ATP6V0D2: variants seen among roughly 807,000 people sequenced by gnomAD.
The protein encoded by ATP6V0D2 is V-type proton ATPase subunit d 2.
A neutral mutation model predicts 40.0 loss-of-function variants in ATP6V0D2; 40 were observed. The ratio of observed to expected loss-of-function variants is 1.00; its 90% CI spans 0.78 to 1.30. ATP6V0D2 has a LOEUF of 1.30. Among genes scored for constraint, ATP6V0D2 ranks in the 50% most tolerant of loss-of-function variants. ATP6V0D2 has a pLI of 0.00. For missense variants in ATP6V0D2, 470 were observed against 423.1 expected (o/e 1.11, Z -0.97); for synonymous variants, 179 against 156.3 (o/e 1.15, Z -1.08).
intron 2 of ATP6V0D2, among the ~76,000 whole-genome samples, chr8:86,119,234 T>TTG: frequency 6.8e-6 from 1 of 146,356 alleles, no homozygotes; most frequent in Non-Finnish European, 1.5e-5. Context: ...CATAGGATCT[T>TTG]TTTTTTTTTT....
chr8:86,146,866 C>T (rs1819076503), intron 5 of ATP6V0D2, among the ~76,000 whole-genome samples: 1 of 152,074 alleles, frequency 6.6e-6, no homozygotes, highest in Admixed American at 6.6e-5. Flanking sequence ...CTATAAAGCA[C>T]TTACTGTTTA....
intron 5 of ATP6V0D2, among the ~76,000 whole-genome samples, chr8:86,147,974 C>T (rs1685454539): frequency 6.6e-6 from 1 of 152,184 alleles, no homozygotes; most frequent in African/African-American, 2.4e-5. Context: ...TCTCCAATTG[C>T]TTTCCCAATG....
intron 5 of ATP6V0D2, 39 bp from the exon 6 acceptor site, chr8:86,150,073 A>C (rs909181876): frequency 1.3e-6 from 2 of 1,585,142 alleles, no homozygotes; most frequent in Admixed American, 1.7e-5. Context: ...AGCATTTAGC[A>C]GTTTATTAGA....
intron 2 of ATP6V0D2, among the ~76,000 whole-genome samples, chr8:86,114,147 A>G (rs1818564881): frequency 6.6e-6 from 1 of 152,206 alleles, no homozygotes; most frequent in Admixed American, 6.5e-5. Context: ...TTTAAAAAAA[A>G]AAAGTGTTGC....
At chr8:86,152,011 G>C (rs1012359492) in intron 7 of ATP6V0D2, among the ~76,000 whole-genome samples, 6 of 151,966 alleles carry the variant, frequency 3.9e-5, no homozygotes, top group African/African-American at 1.2e-4. Context: ...GTGCCATGGT[G>C]GGTTGCTGCA....
intron 2 of ATP6V0D2, among the ~76,000 whole-genome samples, chr8:86,120,929 C>A (rs1214179968): frequency 6.6e-6 from 1 of 152,050 alleles, no homozygotes; most frequent in African/African-American, 2.4e-5. Context: ...ATATTCTTGA[C>A]CCCTACTTCA....
At chr8:86,147,585 G>A (rs575486003) in intron 5 of ATP6V0D2, among the ~76,000 whole-genome samples, 13 of 152,202 alleles carry the variant, frequency 8.5e-5, no homozygotes, top group South Asian at 2.1e-4. Flanking sequence ...ATTCTAAAAC[G>A]ATGGGTGTTT....
intron 1 of ATP6V0D2, among the ~76,000 whole-genome samples, chr8:86,110,884 C>T (rs1387729883): frequency 6.6e-6 from 1 of 152,124 alleles, no homozygotes; most frequent in East Asian, 1.9e-4. Context: ...CATAAGACCT[C>T]CGCCAGGCAG....
Position 86,119,232 on chromosome 8 carries a change from C to CTTT in ATP6V0D2, c.302+5368_302+5370dup, listed in dbSNP as rs35945978. Among the ~76,000 whole-genome samples, 1,116 of 125,880 alleles carry CTTT rather than the reference C, an allele frequency of 8.9e-3. 30 individuals are homozygous for CTTT. The highest frequency in any genetic ancestry group is 0.012 in the East Asian group (52 of 4,296). 82.6% of individuals were successfully genotyped at this position (125,880 alleles called of 152,430 possible). A position where few individuals can be genotyped will look rare whatever the true frequency, so the allele number is the denominator to read the frequency against. ...ATTTCTTGTTTCCTAATCATAGGAT[C>CTTT]TTTTTTTTTTTTTTTTTTGAGATGG... On this transcript the variant is annotated intron_variant, in intron 2 of 7. Coordinates refer to ENST00000285393, the MANE Select transcript of ATP6V0D2 (RefSeq NM_152565.1).
At chr8:86,104,346 A>G (rs771918638) in intron 1 of ATP6V0D2, among the ~76,000 whole-genome samples, 1 of 152,148 alleles carries the variant, frequency 6.6e-6, no homozygotes, top group East Asian at 1.9e-4. Flanking sequence ...AGCCAGGAAT[A>G]AGTTAAATAA....
At chr8:86,115,325 C>T (rs1818578617) in intron 2 of ATP6V0D2, among the ~76,000 whole-genome samples, 2 of 145,268 alleles carry the variant, frequency 1.4e-5, no homozygotes. Flanking sequence ...TCCCTCTATC[C>T]TTCTATTCTT....
At chr8:86,133,651 T>G (rs1356431984) in intron 2 of ATP6V0D2, among the ~76,000 whole-genome samples, 1 of 151,920 alleles carries the variant, frequency 6.6e-6, no homozygotes, top group African/African-American at 2.4e-5. Flanking sequence ...TAATAATGGC[T>G]CTACTCTAAC....
chr8:86,140,544 C>T (rs1011281735), intron 3 of ATP6V0D2, among the ~76,000 whole-genome samples: 2 of 151,976 alleles, frequency 1.3e-5, no homozygotes, highest in African/African-American at 2.4e-5. Flanking sequence ...ATAAAACACA[C>T]TTTTAAGTAC....
At chr8:86,152,258 CT>C (rs908965539) in intron 7 of ATP6V0D2, among the ~76,000 whole-genome samples, 3 of 152,088 alleles carry the variant, frequency 2.0e-5, no homozygotes, top group African/African-American at 7.2e-5. Context: ...TGAACTCATC[CT>C]TTTTTATGGC....
intron 1 of ATP6V0D2, among the ~76,000 whole-genome samples, chr8:86,108,281 C>T (rs963893533): frequency 1.3e-5 from 2 of 152,138 alleles, no homozygotes; most frequent in African/African-American, 4.8e-5. Context: ...ATGGGGACCA[C>T]AGGCATGTGC....
At chr8:86,128,018 G>A (rs779682378) in intron 2 of ATP6V0D2, among the ~76,000 whole-genome samples, 3 of 152,008 alleles carry the variant, frequency 2.0e-5, no homozygotes, top group Admixed American at 6.6e-5. Context: ...GCAATTAGAG[G>A]TTGTGGTGAG....
intron 3 of ATP6V0D2, among the ~76,000 whole-genome samples, chr8:86,140,574 A>G (rs1818958340): frequency 6.6e-6 from 1 of 152,284 alleles, no homozygotes; most frequent in South Asian, 2.1e-4. Context: ...CTTGGCACAT[A>G]CTAAAGTTGC....
intron 4 of ATP6V0D2, among the ~76,000 whole-genome samples, chr8:86,141,837 A>G (rs960996009): frequency 6.6e-6 from 1 of 152,208 alleles, no homozygotes. Context: ...GGTGAACAAT[A>G]TCAATCCATT....
At chr8:86,143,572 G>T (rs1406758107) in intron 5 of ATP6V0D2, among the ~76,000 whole-genome samples, 2 of 152,196 alleles carry the variant, frequency 1.3e-5, no homozygotes, top group Admixed American at 6.5e-5. Flanking sequence ...CATGGTGCTG[G>T]TGGGAGTGTA....
Sources: allele counts gnomAD v4.1 joint callset (sites outside exome capture counted in the v4.1 genomes callset), GRCh38; gene constraint gnomAD v4.1.1; transcripts MANE v1.5; gene names NCBI Gene and HGNC (gene_info 2026-07-23, HGNC 2026-07-21).